The following RIC1 variants were observed in gnomAD, a reference collection of about 807,000 sequenced individuals.
RIC1 encodes the protein guanine nucleotide exchange factor subunit RIC1.
A neutral mutation model predicts 169.0 loss-of-function variants in RIC1; 88 were observed. The observed-to-expected ratio is 0.52, with a 90% CI of 0.44 to 0.62. The LOEUF (loss-of-function observed/expected upper bound fraction) is 0.62. RIC1 is among the 20% of genes least tolerant of loss of function. RIC1 has a pLI of 0.00. For synonymous variants in RIC1, 790 were observed against 601.5 expected (o/e 1.31, Z -4.59); for missense variants, 1,877 against 1,725.5 (o/e 1.09, Z -1.56).
intron 11 of RIC1, 120 bp from the exon 12 acceptor site, chr9:5,747,182 A>C: frequency 1.4e-6 from 1 of 701,778 alleles, no homozygotes; most frequent in Non-Finnish European, 2.5e-6. Context: ...ATCAACATCG[A>C]GATACATGTA....
At chr9:5,729,591 A>C (rs1183458534) in intron 6 of RIC1, among the ~76,000 whole-genome samples, 2 of 152,066 alleles carry the variant, frequency 1.3e-5, no homozygotes, top group Non-Finnish European at 2.9e-5. Context: ...TTTCTCTTCT[A>C]GAAGTTACAG....
chr9:5,687,069 G>C (rs1821294059), intron 2 of RIC1, among the ~76,000 whole-genome samples: 1 of 152,066 alleles, frequency 6.6e-6, no homozygotes, highest in South Asian at 2.1e-4. Flanking sequence ...AGTGAACTTT[G>C]GTGGTTTGTG....
intron 3 of RIC1, among the ~76,000 whole-genome samples, chr9:5,698,220 C>T (rs909054631): frequency 1.3e-5 from 2 of 152,152 alleles, no homozygotes; most frequent in Non-Finnish European, 2.9e-5. Context: ...CCTGATCTAG[C>T]CCTCAAAGCA....
At chr9:5,739,404 T>C (rs1357081020) in intron 8 of RIC1, among the ~76,000 whole-genome samples, 4 of 152,170 alleles carry the variant, frequency 2.6e-5, no homozygotes, top group Non-Finnish European at 4.4e-5. Context: ...CTGTGTACCT[T>C]CCATCATTAT....
intron 3 of RIC1, among the ~76,000 whole-genome samples, chr9:5,705,471 G>A (rs541250973): frequency 7.2e-4 from 109 of 152,088 alleles, no homozygotes; most frequent in South Asian, 1.2e-3. Flanking sequence ...AAATATATAC[G>A]ATTTCTGTGT....
intron 3 of RIC1, among the ~76,000 whole-genome samples, chr9:5,708,647 G>A (rs1822746466): frequency 6.6e-6 from 1 of 152,026 alleles, no homozygotes; most frequent in Non-Finnish European, 1.5e-5. Flanking sequence ...TGTATGTGAG[G>A]AGTCACATAC....
intron 7 of RIC1, among the ~76,000 whole-genome samples, chr9:5,734,183 C>T (rs369273162): frequency 6.6e-6 from 1 of 151,328 alleles, no homozygotes; most frequent in East Asian, 1.9e-4. Context: ...CTTGGCTCAC[C>T]GCAACCTCTG....
intron 12 of RIC1, among the ~76,000 whole-genome samples, chr9:5,748,985 C>A (rs1461989121): frequency 6.6e-6 from 1 of 152,102 alleles, no homozygotes; most frequent in African/African-American, 2.4e-5. Context: ...AATAATGCCA[C>A]ATTGATTGTT....
chr9:5,653,520 C>G (rs946725420), intron 1 of RIC1, among the ~76,000 whole-genome samples: 6 of 152,160 alleles, frequency 3.9e-5, no homozygotes, highest in African/African-American at 1.2e-4. Context: ...TTGGGAAGAA[C>G]TGACATATTG....
At chr9:5,770,783 G>A (rs999413739) in intron 23 of RIC1, among the ~76,000 whole-genome samples, 5 of 151,806 alleles carry the variant, frequency 3.3e-5, no homozygotes, top group Non-Finnish European at 7.4e-5. Flanking sequence ...TTTGCCTCTT[G>A]GCCTTAAAAG....
At chr9:5,705,009 C>T (rs1162008995) in intron 3 of RIC1, among the ~76,000 whole-genome samples, 2 of 152,134 alleles carry the variant, frequency 1.3e-5, no homozygotes, top group Non-Finnish European at 1.5e-5. Context: ...TAATTCCATT[C>T]CATTGATCTG....
chr9:5,695,408 T>C (rs1331824500), intron 3 of RIC1, among the ~76,000 whole-genome samples: 1 of 152,066 alleles, frequency 6.6e-6, no homozygotes, highest in African/African-American at 2.4e-5. Context: ...CACCACCGTG[T>C]ATTTGAGTTT....
chr9:5,675,407 A>G (rs1049500977), intron 2 of RIC1, among the ~76,000 whole-genome samples: 2 of 152,258 alleles, frequency 1.3e-5, no homozygotes, highest in Non-Finnish European at 2.9e-5. Context: ...ACTTACTGAC[A>G]TATCGATTCT....
intron 1 of RIC1, 138 bp downstream of exon 1, chr9:5,629,591 T>C: frequency 2.0e-6 from 2 of 989,840 alleles, no homozygotes; most frequent in Non-Finnish European, 2.8e-6. Flanking sequence ...CGCGTCCTCG[T>C]TCCACCGAAT....
intron 16 of RIC1, among the ~76,000 whole-genome samples, chr9:5,756,872 A>G (rs56011248): frequency 0.022 from 3,351 of 152,316 alleles, 41 homozygotes; most frequent in African/African-American, 0.027. Flanking sequence ...TCTACTTGCA[A>G]CGTATTTAGA....
rs529609343 is a variant in RIC1 at position 5,693,980 on chromosome 9, T to G, written c.332+3942T>G. On this transcript the variant is annotated intron_variant, in intron 3 of 25. Coordinates refer to ENST00000414202, the MANE Select transcript of RIC1 (RefSeq NM_020829.4). ...TTATATAGTAAAGATACTGGTCTTT[T>G]TCACTGAAGAAAAAAAGTCACTCCA... Among the ~76,000 whole-genome samples the G allele has an allele frequency of 6.6e-5, 10 of 152,220 alleles. No homozygotes were observed. In the South Asian group the frequency reaches 2.1e-3, roughly 32 times the overall value.
intron 3 of RIC1, among the ~76,000 whole-genome samples, chr9:5,694,025 TCTC>T (rs1322697544): frequency 1.3e-5 from 2 of 152,140 alleles, no homozygotes; most frequent in Non-Finnish European, 2.9e-5. Flanking sequence ...CAAATCTCCT[TCTC>T]CTCTTCCCCC....
chr9:5,702,859 T>C (rs1489961730), intron 3 of RIC1, among the ~76,000 whole-genome samples: 2 of 152,166 alleles, frequency 1.3e-5, no homozygotes, highest in Non-Finnish European at 2.9e-5. Context: ...GCTACACACT[T>C]TTAAACAACC....
At chr9:5,724,307 T>G (rs1294739576) in intron 6 of RIC1, among the ~76,000 whole-genome samples, 1 of 152,206 alleles carries the variant, frequency 6.6e-6, no homozygotes, top group Non-Finnish European at 1.5e-5. Flanking sequence ...AGGTATTTTA[T>G]TCTCTTTGAA....
Sources: allele counts gnomAD v4.1 joint callset (sites outside exome capture counted in the v4.1 genomes callset), GRCh38; gene constraint gnomAD v4.1.1; transcripts MANE v1.5; gene names NCBI Gene and HGNC (gene_info 2026-07-23, HGNC 2026-07-21).